The following HPD variants were observed in gnomAD, a reference collection of about 807,000 sequenced individuals.
HPD encodes the protein 4-hydroxyphenylpyruvic acid oxidase.
In HPD, 35 loss-of-function variants were observed where a neutral mutation model predicts 56.9. The observed-to-expected ratio is 0.62, with a 90% CI of 0.47 to 0.82. The LOEUF (loss-of-function observed/expected upper bound fraction) is 0.82. HPD is among the 40% of genes least tolerant of loss of function. HPD has a pLI of 0.00. For synonymous variants in HPD, 186 were observed against 200.2 expected (o/e 0.93, Z 0.60); for missense variants, 442 against 506.8 (o/e 0.87, Z 1.23).
chr12:121,877,247 G>A, the HPD span, among the ~76,000 whole-genome samples: 1 of 152,164 alleles, frequency 6.6e-6, no homozygotes, highest in Non-Finnish European at 1.5e-5. Flanking sequence ...CTGAGACTCA[G>A]AGAAGCTAAC....
upstream of HPD, among the ~76,000 whole-genome samples, chr12:121,867,506 A>G (rs1450503584): frequency 6.6e-6 from 1 of 151,934 alleles, no homozygotes; most frequent in African/African-American, 2.4e-5. Context: ...GCACACACCA[A>G]CATGACTGGC....
At chr12:121,875,912 G>A in the HPD span, among the ~76,000 whole-genome samples, 1 of 152,106 alleles carries the variant, frequency 6.6e-6, no homozygotes, top group Non-Finnish European at 1.5e-5. Context: ...TTTCAGTCCT[G>A]GAGTTCAAGA....
At chr12:121,840,120 C>G in intron 12 of HPD, 72 bp from the exon 13 acceptor site, 4 of 978,376 alleles carry the variant, frequency 4.1e-6, no homozygotes, top group Non-Finnish European at 6.6e-6. Context: ...CACAGGGGCT[C>G]CTGCACCCCA....
chr12:121,847,454 G>A (rs2137616604), intron 9 of HPD, among the ~76,000 whole-genome samples: 1 of 152,198 alleles, frequency 6.6e-6, no homozygotes, highest in African/African-American at 2.4e-5. Context: ...CAATCTCCAG[G>A]CTCAATTGCT....
chr12:121,855,199 G>T lies in HPD; in HGVS notation c.325-407C>A, dbSNP rs189590990. Among the ~76,000 whole-genome samples the T allele has an allele frequency of 2.1e-3, 320 of 152,280 alleles. 1 individual carries two copies. The highest frequency in any genetic ancestry group is 3.3e-3 in the Non-Finnish European group (227 of 68,028). Reference sequence around the variant, plus strand: ...GTGCTTATATCATGCACCAGGCTCTGTTCTAGATTCTAACCTCGTTCATCC... The same window carrying T: ...GTGCTTATATCATGCACCAGGCTCTTTTCTAGATTCTAACCTCGTTCATCC... On this transcript the variant is annotated intron_variant, in intron 6 of 13. Coordinates refer to ENST00000289004, the MANE Select transcript of HPD (RefSeq NM_002150.3).
chr12:121,879,553 C>T, the HPD span, among the ~76,000 whole-genome samples: 5 of 146,676 alleles, frequency 3.4e-5, no homozygotes, highest in Non-Finnish European at 6.0e-5. Context: ...TTCTCTGTTG[C>T]CCAAGCTGGA....
the HPD span, among the ~76,000 whole-genome samples, chr12:121,869,080 G>A: frequency 6.6e-6 from 1 of 151,982 alleles, no homozygotes; most frequent in Non-Finnish European, 1.5e-5. Flanking sequence ...TTGGCTGGGT[G>A]TGGTGGCTCA....
At chr12:121,875,840 G>C in the HPD span, among the ~76,000 whole-genome samples, 2 of 152,144 alleles carry the variant, frequency 1.3e-5, no homozygotes, top group Admixed American at 1.3e-4. Context: ...CACAGATGAG[G>C]CTGGGTACAT....
intron 7 of HPD, among the ~76,000 whole-genome samples, chr12:121,850,449 G>A (rs1877729029): frequency 1.4e-5 from 2 of 145,440 alleles, no homozygotes; most frequent in African/African-American, 5.0e-5. Flanking sequence ...ATACTGAAGA[G>A]TTCTGTCAGC....
rs1050751991 is a variant in HPD, at chr12:121,849,808, C to G, written c.415-18G>C. 1 of 1,556,690 alleles carries G rather than the reference C, an allele frequency of 6.4e-7. No homozygotes were observed. Among genetic ancestry groups the G allele is most frequent in the Non-Finnish European group, 8.9e-7 (1 of 1,128,964 alleles). ...TCCCCATACTACGGGTGGAAAACAG[C>G]CTGGCTCGGCCCCTGGGCACCCATC... On this transcript the variant is annotated intron_variant, in intron 7 of 13. Transcript: ENST00000289004.
intron 6 of HPD, among the ~76,000 whole-genome samples, chr12:121,855,831 G>A (rs1162867175): frequency 2.0e-5 from 3 of 151,734 alleles, no homozygotes; most frequent in East Asian, 1.9e-4. Context: ...CTAGCCGGGC[G>A]TGGTGGCGCA....
chr12:121,885,001 C>CT, the HPD span, among the ~76,000 whole-genome samples: 1 of 151,988 alleles, frequency 6.6e-6, no homozygotes, highest in African/African-American at 2.4e-5. Context: ...CGATTCTCTC[C>CT]TGCCTCAGTC....
upstream of HPD, among the ~76,000 whole-genome samples, chr12:121,862,438 C>T (rs1249347532): frequency 1.3e-5 from 2 of 151,548 alleles, no homozygotes; most frequent in East Asian, 1.9e-4. Context: ...GCAGGGATTA[C>T]AGGCATGTGC....
upstream of HPD, among the ~76,000 whole-genome samples, chr12:121,859,361 A>C (rs1878116592): frequency 6.6e-6 from 1 of 152,158 alleles, no homozygotes; most frequent in African/African-American, 2.4e-5. Flanking sequence ...CCTCATTTGT[A>C]AAACAGGAAT....
chr12:121,847,618 G>C (rs1324119666), intron 9 of HPD, among the ~76,000 whole-genome samples: 1 of 152,132 alleles, frequency 6.6e-6, no homozygotes, highest in East Asian at 1.9e-4. Context: ...GCTCGCTGCA[G>C]CTGCCACTTC....
At chr12:121,883,026 CCTTGAGCTGGAT>C in the HPD span, among the ~76,000 whole-genome samples, 1 of 152,092 alleles carries the variant, frequency 6.6e-6, no homozygotes, top group Admixed American at 6.6e-5. Flanking sequence ...CCTCACCCAG[CCTTGAGCTGGAT>C]CTTGAAGGAG....
chr12:121,883,107 A>G, the HPD span, among the ~76,000 whole-genome samples: 1 of 151,808 alleles, frequency 6.6e-6, no homozygotes, highest in Admixed American at 6.6e-5. Context: ...AGGTGCTAAG[A>G]CCCAGTGCTA....
At chr12:121,871,287 C>T in the HPD span, among the ~76,000 whole-genome samples, 1 of 151,832 alleles carries the variant, frequency 6.6e-6, no homozygotes, top group Non-Finnish European at 1.5e-5. Context: ...ATCGATTGAG[C>T]CCAGGAGGTT....
chr12:121,870,376 C>T, the HPD span, among the ~76,000 whole-genome samples: 25 of 151,546 alleles, frequency 1.6e-4, no homozygotes, highest in Non-Finnish European at 3.2e-4. Flanking sequence ...GGTGTGGTGG[C>T]GCATGCCTGT....
Sources: gnomAD v4.1 joint callset for allele counts (sites outside exome capture counted in the v4.1 genomes callset) on GRCh38, gnomAD v4.1.1 for gene constraint, MANE v1.5 for transcripts, NCBI Gene and HGNC (gene_info 2026-07-23, HGNC 2026-07-21) for gene names.